The following AGBL1 variants were observed in gnomAD, a reference collection of about 807,000 sequenced individuals.
AGBL1 encodes the protein AGBL carboxypeptidase 1, also known as cytosolic carboxypeptidase 4.
A neutral mutation model predicts 118.9 loss-of-function variants in AGBL1; 130 were observed. That is an observed-to-expected ratio of 1.09 (90% confidence interval 0.95 to 1.26). AGBL1 has a LOEUF of 1.26. Among genes scored for constraint, AGBL1 ranks in the 50% most tolerant of loss-of-function variants. The pLI is 0.00. For missense variants in AGBL1, 1,584 were observed against 1,298.1 expected, an observed-to-expected ratio of 1.22 and a Z score of -3.38; for synonymous variants, 555 against 478.9, an observed-to-expected ratio of 1.16 and a Z score of -2.08.
intron 21 of AGBL1, among the ~76,000 whole-genome samples, chr15:86,644,097 A>G (rs1028404889): frequency 7.9e-5 from 12 of 152,216 alleles, no homozygotes; most frequent in South Asian, 4.1e-4. Context: ...CTGTATGTCT[A>G]TTCACTTTAT....
intron 22 of AGBL1, among the ~76,000 whole-genome samples, chr15:86,854,558 C>A (rs534009315): frequency 6.3e-4 from 96 of 152,318 alleles, no homozygotes; most frequent in Non-Finnish European, 7.9e-4. Context: ...GCCAGTGTTA[C>A]ATGCACACAA....
chr15:86,225,266 C>G (rs1371910917), intron 6 of AGBL1, among the ~76,000 whole-genome samples: 1 of 151,792 alleles, frequency 6.6e-6, no homozygotes, highest in African/African-American at 2.4e-5. Flanking sequence ...ACCCTCCACC[C>G]CTGTCTAACA....
In AGBL1 at chr15:86,376,391, T is replaced by A. The variant is rs147146608; in HGVS notation, c.2375-20975T>A. Among the ~76,000 whole-genome samples the A allele has an allele frequency of 2.7e-3, 414 of 152,282 alleles. 2 individuals carry two copies. Among genetic ancestry groups the A allele is most frequent in the Admixed American group, 6.3e-3 (96 of 15,304 alleles). Reference sequence around the variant, plus strand: ...CACATCTCACTGAAAGTTATTACACTCAGTGATAATTTATTACAGGGAAAG... The same window carrying A: ...CACATCTCACTGAAAGTTATTACACACAGTGATAATTTATTACAGGGAAAG... On this transcript the variant is annotated intron_variant, in intron 17 of 22. Transcript: ENST00000614907.
At chr15:86,849,767 C>T (rs1387558866) in intron 22 of AGBL1, among the ~76,000 whole-genome samples, 2 of 152,152 alleles carry the variant, frequency 1.3e-5, no homozygotes, top group African/African-American at 4.8e-5. Context: ...AGCTTCTGTG[C>T]CCAGATCCTC....
At chr15:86,974,794 A>C (rs554916497) in intron 23 of AGBL1, among the ~76,000 whole-genome samples, 1 of 151,796 alleles carries the variant, frequency 6.6e-6, no homozygotes, top group Non-Finnish European at 1.5e-5. Flanking sequence ...ATCTCAAGCA[A>C]GTTAGTTGGG....
chr15:86,433,262 T>C lies in AGBL1; in HGVS notation c.2555+35716T>C, dbSNP rs558590455. Among the ~76,000 whole-genome samples the C allele has an allele frequency of 5.7e-3, 736 of 129,302 alleles. 6 individuals are homozygous for C. Among genetic ancestry groups the C allele is most frequent in the African/African-American group, 0.017 (553 of 31,960 alleles). The allele number at this position is 129,302 out of a possible 152,430, so 84.8% of individuals were successfully genotyped here. A position where few individuals can be genotyped will look rare whatever the true frequency, so the allele number is the denominator to read the frequency against. On this transcript the variant is annotated intron_variant, in intron 18 of 22. Transcript: ENST00000614907. ...TCCTTCTCCTCCTCCTCCTCCTCCT[T>C]CTTCTTTTTTTTTTTTTTTTTTTTT...
chr15:86,082,942 A>G (rs1464143636), intron 1 of AGBL1, among the ~76,000 whole-genome samples: 1 of 152,228 alleles, frequency 6.6e-6, no homozygotes, highest in Non-Finnish European at 1.5e-5. Flanking sequence ...TCCTTATGAA[A>G]GTCCCTCGAC....
rs74025187 is a variant in AGBL1, at chr15:86,541,993, A to G, written c.2686-4009A>G. 5.4e-3 allele frequency among the ~76,000 whole-genome samples: 815 copies of G among 152,334 alleles called. 7 individuals carry two copies. The highest frequency in any genetic ancestry group is 0.018 in the African/African-American group (762 of 41,566). On this transcript the variant is annotated intron_variant, in intron 19 of 22. Coordinates refer to ENST00000614907, the MANE Select transcript of AGBL1 (RefSeq NM_001386094.1). ...AGTATTCTAATAAGGGCAGAAATTC[A>G]CTAGATTTGGCTGACTTCATTGACA...
chr15:86,849,140 C>G (rs1297734074), intron 22 of AGBL1, among the ~76,000 whole-genome samples: 1 of 152,188 alleles, frequency 6.6e-6, no homozygotes, highest in Non-Finnish European at 1.5e-5. Context: ...CCTTGCTTAT[C>G]CATCGCCAGT....
intron 6 of AGBL1, among the ~76,000 whole-genome samples, chr15:86,227,467 T>C (rs899559631): frequency 6.6e-6 from 1 of 152,274 alleles, no homozygotes; most frequent in Non-Finnish European, 1.5e-5. Context: ...GAGTCTGTTC[T>C]GTGCATTGCA....
rs2078631261 is a variant in AGBL1, at chr15:86,800,252, T to C, written c.3159-106835T>C. Among the ~76,000 whole-genome samples the C allele has an allele frequency of 2.0e-5, 3 of 152,112 alleles. No homozygotes were observed. The South Asian group carries it at 6.2e-4, about 32-fold the overall frequency. On this transcript the variant is annotated intron_variant, in intron 22 of 22. Coordinates refer to ENST00000614907, the MANE Select transcript of AGBL1 (RefSeq NM_001386094.1). The stretch of plus-strand genomic sequence containing the variant: ...ATTATTTTGGGACATATTTATGAGC[T>C]GTAGTTTGCAAAACCATGCCACAAA...
intron 1 of AGBL1, among the ~76,000 whole-genome samples, chr15:86,102,994 T>C (rs1896825002): frequency 6.6e-6 from 1 of 152,136 alleles, no homozygotes; most frequent in Non-Finnish European, 1.5e-5. Flanking sequence ...TCATGTAGGG[T>C]TTGTTCATTC....
At chr15:86,948,817 A>T (rs1395500360) in intron 23 of AGBL1, among the ~76,000 whole-genome samples, 1 of 152,266 alleles carries the variant, frequency 6.6e-6, no homozygotes, top group East Asian at 1.9e-4. Flanking sequence ...TGGACGAGTG[A>T]GATGTCAAGA....
intron 16 of AGBL1, among the ~76,000 whole-genome samples, chr15:86,291,398 C>A (rs145702401): frequency 1.2e-3 from 183 of 151,964 alleles, no homozygotes; most frequent in African/African-American, 4.3e-3. Context: ...ACACACACCA[C>A]ACAGAGACAC....
chr15:86,177,959 A>G (rs989973871), intron 5 of AGBL1, among the ~76,000 whole-genome samples: 1 of 152,202 alleles, frequency 6.6e-6, no homozygotes, highest in Non-Finnish European at 1.5e-5. Context: ...AAAATTACAA[A>G]TAGAAAAACA....
chr15:87,011,027 T>C (rs997682610), intron 24 of AGBL1, among the ~76,000 whole-genome samples: 1 of 152,260 alleles, frequency 6.6e-6, no homozygotes, highest in Non-Finnish European at 1.5e-5. Context: ...TCTTGTTAAG[T>C]GCAGATAAAC....
At chr15:86,509,820 TG>T (rs2083030857) in intron 18 of AGBL1, among the ~76,000 whole-genome samples, 1 of 152,154 alleles carries the variant, frequency 6.6e-6, no homozygotes, top group Non-Finnish European at 1.5e-5. Flanking sequence ...AGAGATCATG[TG>T]TTCTAATTTT....
intron 18 of AGBL1, among the ~76,000 whole-genome samples, chr15:86,459,449 G>C (rs1236667259): frequency 6.6e-6 from 1 of 152,118 alleles, no homozygotes; most frequent in East Asian, 1.9e-4. Flanking sequence ...CTAAAAATAT[G>C]TGGTGATTAA....
chr15:86,425,002 A>T (rs1229479315), intron 18 of AGBL1, among the ~76,000 whole-genome samples: 1 of 152,182 alleles, frequency 6.6e-6, no homozygotes, highest in African/African-American at 2.4e-5. Context: ...AGAATCTAGA[A>T]CCAGAAATAC....
Sources: gnomAD v4.1 joint callset for allele counts (sites outside exome capture counted in the v4.1 genomes callset) on GRCh38, gnomAD v4.1.1 for gene constraint, MANE v1.5 for transcripts, NCBI Gene and HGNC (gene_info 2026-07-23, HGNC 2026-07-21) for gene names.